The following SLC35D4 variants were observed in gnomAD, a reference collection of about 807,000 sequenced individuals.
The protein encoded by SLC35D4 is UDP-N-acetylglucosamine transporter SLC35D4.
chr18:23,295,825 G>C, the SLC35D4 span, among the ~76,000 whole-genome samples: 5 of 152,140 alleles, frequency 3.3e-5, no homozygotes, highest in African/African-American at 1.2e-4. Flanking sequence ...CATCAATGAC[G>C]TGGATATTCA....
chr18:23,302,929 G>A, the SLC35D4 span, among the ~76,000 whole-genome samples: 1 of 152,216 alleles, frequency 6.6e-6, no homozygotes, highest in African/African-American at 2.4e-5. Context: ...ATTTGTATGA[G>A]GAAATCACCC....
At chr18:23,299,907 G>C in the SLC35D4 span, among the ~76,000 whole-genome samples, 1 of 152,176 alleles carries the variant, frequency 6.6e-6, no homozygotes, top group Admixed American at 6.5e-5. Flanking sequence ...CTATAACAGT[G>C]AAACTAAGTT....
At chr18:23,262,576 C>T in the SLC35D4 span, among the ~76,000 whole-genome samples, 1 of 152,218 alleles carries the variant, frequency 6.6e-6, no homozygotes, top group African/African-American at 2.4e-5. Flanking sequence ...TTCCTGATGT[C>T]GGGCAGAGCC....
the SLC35D4 span, among the ~76,000 whole-genome samples, chr18:23,425,371 G>A: frequency 6.6e-6 from 1 of 152,212 alleles, no homozygotes; most frequent in Non-Finnish European, 1.5e-5. Context: ...AAAGTGCTGA[G>A]ATTACAGGTG....
the SLC35D4 span, chr18:23,310,325 C>T: frequency 4.4e-5 from 43 of 968,848 alleles, no homozygotes; most frequent in Non-Finnish European, 5.2e-5. Context: ...TATCTAGAAG[C>T]CAGAGGAGAG....
At chr18:23,397,372 C>A in the SLC35D4 span, among the ~76,000 whole-genome samples, 1 of 152,176 alleles carries the variant, frequency 6.6e-6, no homozygotes, top group Non-Finnish European at 1.5e-5. Flanking sequence ...TGGTCTCTTT[C>A]CACTAAAGTT....
the SLC35D4 span, among the ~76,000 whole-genome samples, chr18:23,375,105 A>G: frequency 6.6e-6 from 1 of 150,628 alleles, no homozygotes; most frequent in Admixed American, 6.6e-5. Context: ...ACAAAACGAG[A>G]CTCCATCTCA....
At chr18:23,411,751 C>G in the SLC35D4 span, among the ~76,000 whole-genome samples, 1 of 149,576 alleles carries the variant, frequency 6.7e-6, no homozygotes, top group Non-Finnish European at 1.5e-5. Flanking sequence ...TCTGTCATCC[C>G]TAAGAACCCT....
At chr18:23,326,590 C>T in the SLC35D4 span, among the ~76,000 whole-genome samples, 1 of 152,138 alleles carries the variant, frequency 6.6e-6, no homozygotes, top group African/African-American at 2.4e-5. Flanking sequence ...TAGACTCCCA[C>T]ACAATAATAA....
the SLC35D4 span, among the ~76,000 whole-genome samples, chr18:23,317,706 T>C: frequency 6.6e-6 from 1 of 152,104 alleles, no homozygotes; most frequent in Non-Finnish European, 1.5e-5. Flanking sequence ...GATCTACCAT[T>C]GTAGATTAGA....
the SLC35D4 span, among the ~76,000 whole-genome samples, chr18:23,414,735 T>G: frequency 6.6e-6 from 1 of 151,556 alleles, no homozygotes; most frequent in African/African-American, 2.4e-5. Context: ...CCCAGCTACT[T>G]CAGAAACAGA....
the SLC35D4 span, among the ~76,000 whole-genome samples, chr18:23,406,327 T>G: frequency 5.3e-5 from 8 of 152,258 alleles, no homozygotes; most frequent in Non-Finnish European, 1.0e-4. Flanking sequence ...ATAAGCCATG[T>G]CATGGGCGGC....
the SLC35D4 span, among the ~76,000 whole-genome samples, chr18:23,405,019 A>C: frequency 2.7e-5 from 4 of 150,112 alleles, no homozygotes; most frequent in Non-Finnish European, 4.4e-5. Flanking sequence ...AAAAAAAAAA[A>C]AAAACAGGCC....
chr18:23,269,755 G>A, the SLC35D4 span, among the ~76,000 whole-genome samples: 1 of 152,208 alleles, frequency 6.6e-6, no homozygotes, highest in Non-Finnish European at 1.5e-5. Flanking sequence ...GTTGGGAACT[G>A]GAATAAAGGT....
the SLC35D4 span, among the ~76,000 whole-genome samples, chr18:23,361,103 C>CAAAAAAAAAAAAAAAAAAA: frequency 4.3e-5 from 4 of 94,104 alleles, no homozygotes; most frequent in Admixed American, 1.3e-4. Flanking sequence ...GACTTTGTCT[C>CAAAAAAAAAAAAAAAAAAA]AAAAAAAAAA....
the SLC35D4 span, chr18:23,437,643 G>A: frequency 2.4e-6 from 2 of 841,954 alleles, 1 homozygote; most frequent in Non-Finnish European, 3.7e-6. Context: ...CCCACACACG[G>A]AGGAGGTTCG....
chr18:23,396,277 A>G, the SLC35D4 span, among the ~76,000 whole-genome samples: 6 of 152,338 alleles, frequency 3.9e-5, no homozygotes, highest in Non-Finnish European at 7.3e-5. Flanking sequence ...AGTGTTTTGC[A>G]TAACAATACA....
the SLC35D4 span, among the ~76,000 whole-genome samples, chr18:23,403,188 A>AT: frequency 1.3e-5 from 2 of 152,230 alleles, no homozygotes; most frequent in Non-Finnish European, 2.9e-5. Flanking sequence ...CAGAGTCAGA[A>AT]AAGGGAGCTC....
chr18:23,372,225 C>CGCG, the SLC35D4 span, among the ~76,000 whole-genome samples: 1 of 151,988 alleles, frequency 6.6e-6, no homozygotes, highest in African/African-American at 2.4e-5. Context: ...CGTGAGCCAC[C>CGCG]GCGCCCAGCC....
Sources: gnomAD v4.1 joint callset for allele counts (sites outside exome capture counted in the v4.1 genomes callset) on GRCh38, gnomAD v4.1.1 for gene constraint, MANE v1.5 for transcripts, NCBI Gene and HGNC (gene_info 2026-07-23, HGNC 2026-07-21) for gene names.